The following ASTN2 variants were observed in gnomAD, a reference collection of about 807,000 sequenced individuals.
ASTN2 encodes astrotactin-2.
In ASTN2, 54 loss-of-function variants were observed where a neutral mutation model predicts 139.8. The ratio of observed to expected loss-of-function variants is 0.39; its 90% CI spans 0.31 to 0.48. The LOEUF is 0.48. ASTN2 is among the 20% of genes least tolerant of loss of function. The pLI is 0.95. For missense variants in ASTN2, 1,565 were observed against 1,725.1 expected (o/e 0.91, Z 1.64); for synonymous variants, 756 against 719.5 (o/e 1.05, Z -0.81).
chr9:116,556,200 T>C (rs1039240278), intron 19 of ASTN2, among the ~76,000 whole-genome samples: 1 of 152,224 alleles, frequency 6.6e-6, no homozygotes, highest in Non-Finnish European at 1.5e-5. Flanking sequence ...GCTCAAGTCC[T>C]ACCTCACCTT....
At chr9:116,857,510 G>T (rs1413474605) in intron 11 of ASTN2, among the ~76,000 whole-genome samples, 1 of 152,178 alleles carries the variant, frequency 6.6e-6, no homozygotes, top group Non-Finnish European at 1.5e-5. Context: ...GCTGGATACA[G>T]GAATGTTGCG....
At chr9:116,636,553 T>C (rs1857083033) in intron 17 of ASTN2, among the ~76,000 whole-genome samples, 1 of 152,022 alleles carries the variant, frequency 6.6e-6, no homozygotes. Flanking sequence ...TGGGTACCTG[T>C]AATCCCAGCT....
intron 10 of ASTN2, among the ~76,000 whole-genome samples, chr9:116,881,103 A>G (rs1267633554): frequency 1.3e-5 from 2 of 152,206 alleles, no homozygotes; most frequent in East Asian, 1.9e-4. Context: ...GCTAGACGAC[A>G]GCACAAACAG....
At chr9:116,786,441 C>A (rs369712941) in intron 13 of ASTN2, among the ~76,000 whole-genome samples, 2 of 152,242 alleles carry the variant, frequency 1.3e-5, no homozygotes, top group East Asian at 3.9e-4. Flanking sequence ...AGAATAAGTG[C>A]TCAAAAAATA....
At position 117,374,242 on chromosome 9, in the gene ASTN2, C is replaced by T. The variant is rs572805922; in HGVS notation, c.442+40255G>A. On this transcript the variant is annotated intron_variant, in intron 1 of 22. Transcript: ENST00000313400. The stretch of plus-strand genomic sequence containing the variant: ...ATCATTGCTCGAGCTGGGATTCACC[C>T]CAGTCTCTGCCTCATGCTGGCAGGA... Among the ~76,000 whole-genome samples the T allele has an allele frequency of 2.0e-5, 3 of 152,078 alleles. No individual in the cohort carries two copies. The South Asian group carries it at 6.2e-4, about 32-fold the overall frequency.
intron 2 of ASTN2, among the ~76,000 whole-genome samples, chr9:117,283,953 G>A (rs1006452011): frequency 2.6e-5 from 4 of 151,818 alleles, no homozygotes; most frequent in African/African-American, 9.7e-5. Context: ...TGTCAGTAGT[G>A]GTATTATTTT....
chr9:116,706,756 T>C (rs1267154062), intron 16 of ASTN2, among the ~76,000 whole-genome samples: 3 of 134,806 alleles, frequency 2.2e-5, no homozygotes, highest in African/African-American at 8.2e-5. Flanking sequence ...TCTTGCTGGC[T>C]AGAATTTTTT....
At chr9:116,986,829 C>T (rs1836697041) in intron 7 of ASTN2, among the ~76,000 whole-genome samples, 1 of 152,202 alleles carries the variant, frequency 6.6e-6, no homozygotes, top group Non-Finnish European at 1.5e-5. Flanking sequence ...CACTGACTCC[C>T]TTTCCAGGAG....
chr9:117,277,373 A>T (rs1834219508), intron 2 of ASTN2: 1 of 152,206 alleles, frequency 6.6e-6, no homozygotes, highest in Non-Finnish European at 1.5e-5. Flanking sequence ...GTGGTAGTAA[A>T]TTTATTCTTG....
At chr9:117,355,384 C>G (rs1232968760) in intron 1 of ASTN2, among the ~76,000 whole-genome samples, 1 of 152,116 alleles carries the variant, frequency 6.6e-6, no homozygotes. Flanking sequence ...TTTTCATTTA[C>G]CTAGTATTTT....
chr9:116,507,685 G>A (rs944976849), intron 19 of ASTN2, among the ~76,000 whole-genome samples: 3 of 151,996 alleles, frequency 2.0e-5, no homozygotes, highest in African/African-American at 4.8e-5. Flanking sequence ...ATTGTTCTTG[G>A]CACCTTCCCA....
intron 19 of ASTN2, among the ~76,000 whole-genome samples, chr9:116,501,263 A>C (rs1026348217): frequency 7.9e-5 from 12 of 152,220 alleles, no homozygotes; most frequent in African/African-American, 2.6e-4. Context: ...ATGATTTCCA[A>C]TTTCATCCAT....
At chr9:117,255,180 C>T (rs1418944129) in intron 2 of ASTN2, among the ~76,000 whole-genome samples, 1 of 152,212 alleles carries the variant, frequency 6.6e-6, no homozygotes, top group Admixed American at 6.5e-5. Context: ...ACAGCCCCCT[C>T]TGGACTTCCA....
intron 7 of ASTN2, among the ~76,000 whole-genome samples, chr9:116,983,529 C>A (rs1395388732): frequency 6.6e-6 from 1 of 152,180 alleles, no homozygotes; most frequent in Non-Finnish European, 1.5e-5. Context: ...ATAAACATAA[C>A]CACAAGGACA....
intron 1 of ASTN2, among the ~76,000 whole-genome samples, chr9:117,294,976 T>A (rs1834692898): frequency 1.3e-5 from 2 of 152,210 alleles, no homozygotes; most frequent in South Asian, 4.1e-4. Flanking sequence ...TTCACACACA[T>A]CCAACCTTTA....
intron 16 of ASTN2, among the ~76,000 whole-genome samples, chr9:116,662,878 G>GA (rs1460286256): frequency 1.3e-5 from 2 of 152,106 alleles, no homozygotes; most frequent in Non-Finnish European, 2.9e-5. Context: ...ATATACAGCT[G>GA]AAAAAACAGA....
At chr9:117,332,071 C>G (rs1449277154) in intron 1 of ASTN2, among the ~76,000 whole-genome samples, 4 of 152,122 alleles carry the variant, frequency 2.6e-5, no homozygotes, top group Non-Finnish European at 5.9e-5. Flanking sequence ...AGCTCCCCAC[C>G]ACCAAGGAAA....
intron 2 of ASTN2, among the ~76,000 whole-genome samples, chr9:117,222,521 T>G (rs1832560452): frequency 6.6e-6 from 1 of 152,172 alleles, no homozygotes; most frequent in East Asian, 1.9e-4. Flanking sequence ...GGATCACCAG[T>G]TCTCACCATG....
chr9:117,005,168 C>T (rs1837319005), intron 7 of ASTN2, among the ~76,000 whole-genome samples: 1 of 68,410 alleles, frequency 1.5e-5, no homozygotes, highest in Admixed American at 1.8e-4. Flanking sequence ...TCACTATAAC[C>T]TTCACCTCCT....
Sources: allele counts gnomAD v4.1 joint callset (sites outside exome capture counted in the v4.1 genomes callset), GRCh38; gene constraint gnomAD v4.1.1; transcripts MANE v1.5; gene names NCBI Gene and HGNC (gene_info 2026-07-23, HGNC 2026-07-21).